The following BSN variants were observed in gnomAD, a reference collection of about 807,000 sequenced individuals.
The protein encoded by BSN is bassoon presynaptic cytomatrix protein, also known as protein bassoon.
BSN carries 57 observed loss-of-function variants against 264.8 expected under a neutral mutation model. The observed-to-expected ratio is 0.22, with a 90% CI of 0.17 to 0.27. The LOEUF (loss-of-function observed/expected upper bound fraction) is 0.27, where lower values mean the gene tolerates loss of function less well. BSN is among the 10% of genes least tolerant of loss of function. BSN has a pLI of 1.00. For synonymous variants in BSN, 2,059 were observed against 2,137.3 expected (o/e 0.96, Z 1.01); for missense variants, 4,615 against 5,232.5 (o/e 0.88, Z 3.64).
In BSN at chr3:49,669,103, CT is replaced by C. The variant is rs1436472966; in HGVS notation, c.*1621del. On this transcript the variant is annotated 3_prime_UTR_variant, in exon 12 of 12. Coordinates refer to ENST00000296452, the MANE Select transcript of BSN (RefSeq NM_003458.4). Reference sequence around the variant, plus strand: ...GTGGAGCATGCACAGCTCGCAGCCTCTTTGCACGATTTCATCCATTTTAAAT... The same window carrying C: ...GTGGAGCATGCACAGCTCGCAGCCTCTTGCACGATTTCATCCATTTTAAAT... The C allele has an allele frequency of 6.6e-6, 1 of 152,530 alleles. No individual in the cohort carries two copies. Among genetic ancestry groups the C allele is most frequent in the African/African-American group, 2.4e-5 (1 of 41,426 alleles). 9.4% of individuals were successfully genotyped at this position (152,530 alleles called of 1,614,324 possible). A position where few individuals can be genotyped will look rare whatever the true frequency, so the allele number is the denominator to read the frequency against.
rs975796607 is a variant in BSN, at chr3:49,639,360, G to A, written c.634-2908G>A. 1.2e-4 allele frequency among the ~76,000 whole-genome samples: 18 copies of A among 151,766 alleles called. 1 individual carries two copies. The highest frequency in any genetic ancestry group is 4.2e-4 in the South Asian group (2 of 4,808). ...ACTACAGGCATGTGCCACCACACCC[G>A]GCTAATTTTTTCTATTTTTAGTAGA... On this transcript the variant is annotated intron_variant, in intron 2 of 11. Transcript: ENST00000296452.
intron 3 of BSN, among the ~76,000 whole-genome samples, chr3:49,643,633 C>T (rs1004495232): frequency 3.3e-5 from 5 of 152,202 alleles, no homozygotes; most frequent in African/African-American, 4.8e-5. Flanking sequence ...GTCCCACTGT[C>T]CAGGCTCCAG....
chr3:49,626,632 C>A (rs890806874), intron 2 of BSN, among the ~76,000 whole-genome samples: 1 of 152,166 alleles, frequency 6.6e-6, no homozygotes, highest in African/African-American at 2.4e-5. Context: ...TGGAACAATA[C>A]GATTAAGGCC....
At chr3:49,650,185 C>T (rs975434710) in intron 3 of BSN, among the ~76,000 whole-genome samples, 1 of 152,196 alleles carries the variant, frequency 6.6e-6, no homozygotes, top group African/African-American at 2.4e-5. Context: ...CCAGGAAGTG[C>T]TCCATGCTTG....
Position 49,652,948 on chromosome 3 carries a change from C to T in BSN, c.3392C>T (p.Ser1131Phe). The change falls in exon 5 of 12, where the codon TCC becomes TTC. Residue 1131 changes from serine to phenylalanine, a missense_variant. Physicochemically the swap from Ser to Phe is radical, Grantham distance 155. Around this residue, in one of 3 missense-constraint regions of BSN, gnomAD observed 3,415 missense variants for 3,866.4 expected, o/e 0.88. Transcript: ENST00000296452. ...TGCTCTGAGTACTCACCCTCACCCT[C>T]CCTTGACTCTGAGGCTGAGGCCTTG... is the stretch of plus-strand genomic sequence containing the variant. The part of the protein sequence containing the change: ...SSCSEYSPSP[S>F]LDSEAEALDG... 6.2e-7 allele frequency: 1 copy of T among 1,611,510 alleles called. No individual in the cohort carries two copies. The highest frequency in any genetic ancestry group is 8.5e-7 in the Non-Finnish European group (1 of 1,178,768).
chr3:49,562,935 A>T (rs1253437538), intron 1 of BSN, among the ~76,000 whole-genome samples: 2 of 152,190 alleles, frequency 1.3e-5, no homozygotes, highest in Non-Finnish European at 2.9e-5. Context: ...TGGTTTTTTC[A>T]TCTGTAAAAT....
intron 1 of BSN, among the ~76,000 whole-genome samples, chr3:49,560,105 G>A (rs961131973): frequency 3.9e-5 from 6 of 152,200 alleles, no homozygotes; most frequent in Admixed American, 3.9e-4. Context: ...TTTCACCCCA[G>A]TGTGGGGGAG....
In BSN at chr3:49,661,083, G is replaced by T. The variant is rs754496947; in HGVS notation, c.9238G>T (p.Ala3080Ser). The T allele has an allele frequency of 1.2e-6, 2 of 1,611,976 alleles. No homozygotes were observed. Among genetic ancestry groups the T allele is most frequent in the Admixed American group, 3.3e-5 (2 of 59,968 alleles). The change falls in exon 6 of 12, where the codon GCC becomes TCC. Residue 3080 changes from alanine (A) to serine (S), a missense_variant. Ala to Ser is a moderately conservative substitution (Grantham distance 99). Transcript: ENST00000296452. ...PTQNGFPAHQ[A>S]PTYPGPSTYP... ...TCAGAACGGATTCCCAGCCCACCAG[G>T]CCCCCACCTACCCTGGCCCCAGCAC...
rs541886743 is a variant in BSN at position 49,655,573 on chromosome 3, A to G, written c.6017A>G (p.Gln2006Arg). 13 of 1,613,508 alleles carry G rather than the reference A, an allele frequency of 8.1e-6. No homozygotes were observed. Among genetic ancestry groups the G allele is most frequent in the Admixed American group, 1.7e-5 (1 of 60,028 alleles). Residue 2006 changes from glutamine to arginine, a missense_variant, in exon 5 of 12, where the codon CAG becomes CGG. By Grantham distance (43) the Gln-to-Arg change is conservative. Coordinates refer to ENST00000296452, the MANE Select transcript of BSN (RefSeq NM_003458.4). ...GCCCAGAGGATCGGGCAGCTCTTCC[A>G]GGGTCCTGGACGAGACTCGGCTATG... ...YHAQRIGQLF[Q>R]GPGRDSAMDL...
Position 49,658,028 on chromosome 3 carries a change from C to T in BSN, c.8472C>T (p.Pro2824=). ...SERLNKAHVS[P]QKHFTADSAL... is the part of the protein sequence containing the mutation. ...GGCTGAACAAAGCTCACGTGAGTCC[C>T]CAGAAGCACTTCACGGCTGACAGCG... Residue 2824 remains proline (P), a synonymous_variant, in exon 5 of 12, where the codon CCC becomes CCT. Transcript: ENST00000296452. 6.2e-7 allele frequency: 1 copy of T among 1,613,646 alleles called. No individual in the cohort carries two copies. The highest frequency in any genetic ancestry group is 8.5e-7 in the Non-Finnish European group (1 of 1,179,948).
chr3:49,671,794 G>T (rs924524850), downstream of BSN, among the ~76,000 whole-genome samples: 4 of 152,182 alleles, frequency 2.6e-5, no homozygotes, highest in Admixed American at 2.6e-4. This position sits in a 1 kb window ranked among gnomAD's most constrained non-coding sequence, Gnocchi z 4.1. Flanking sequence ...GCTGTTGAGG[G>T]ACAGCACCTC....
intron 3 of BSN, among the ~76,000 whole-genome samples, chr3:49,643,809 G>A (rs1303886157): frequency 2.6e-5 from 4 of 152,214 alleles, no homozygotes; most frequent in Non-Finnish European, 5.9e-5. Flanking sequence ...CTTTCCCACA[G>A]GAAGGTTTGA....
chr3:49,582,631 AT>A (rs1357895987), intron 1 of BSN, among the ~76,000 whole-genome samples: 2 of 151,724 alleles, frequency 1.3e-5, no homozygotes, highest in East Asian at 1.9e-4. Context: ...TCCTTTATTT[AT>A]TTTTTTTCTT....
Position 49,655,428 on chromosome 3 carries a change from CAG to C in BSN, c.5873_5874del (p.Gln1958ArgfsTer9), listed in dbSNP as rs2052590362. Reference protein sequence around the residue: ...EPPEPPTYRAQGVVGPGPHEE... With the variant: ...EPPEPPTYRAXGVVGPGPHEE... ...TCCTGAGCCCCCAACCTACCGGGCACAGGGGGTGGTGGGGCCTGGGCCCCATG... is the reference window on the plus strand; with the variant it reads ...TCCTGAGCCCCCAACCTACCGGGCACGGGGTGGTGGGGCCTGGGCCCCATG... On this transcript the variant is annotated frameshift_variant, in exon 5 of 12. Coordinates refer to ENST00000296452, the MANE Select transcript of BSN (RefSeq NM_003458.4). LOFTEE classifies it high-confidence loss of function. The C allele has an allele frequency of 1.9e-6, 3 of 1,570,110 alleles. No individual in the cohort carries two copies. The highest frequency in any genetic ancestry group is 1.2e-5 in the South Asian group (1 of 83,436).
rs147446444 is a variant in BSN, at chr3:49,579,898, A to G, written c.224+25072A>G. 2.6e-5 allele frequency among the ~76,000 whole-genome samples: 4 copies of G among 152,268 alleles called. No homozygotes were observed. The East Asian group carries it at 7.7e-4, about 29-fold the overall frequency. On this transcript the variant is annotated intron_variant, in intron 1 of 11. Coordinates refer to ENST00000296452, the MANE Select transcript of BSN (RefSeq NM_003458.4). ...GTCCATCATTCTATTAATATGCTAT[A>G]TTAATTGATTTTTTAGATGTTAAGC... is the stretch of plus-strand genomic sequence containing the variant.
Position 49,574,630 on chromosome 3 carries a change from C to CTT in BSN, c.224+19826_224+19827dup, listed in dbSNP as rs60300269. Among the ~76,000 whole-genome samples the CTT allele has an allele frequency of 1.7e-3, 90 of 51,882 alleles. 1 individual carries two copies. The highest frequency in any genetic ancestry group is 4.7e-3 in the East Asian group (6 of 1,266). 34.0% of individuals were successfully genotyped at this position (51,882 alleles called of 152,430 possible). A position where few individuals can be genotyped will look rare whatever the true frequency, so the allele number is the denominator to read the frequency against. ...TGTGTTTTTAGTAGAGGTGGGGTTT[C>CTT]TTTTTTTTTTTTTTTTTTTTTTTGA... On this transcript the variant is annotated intron_variant, in intron 1 of 11. Transcript: ENST00000296452.
At position 49,653,432 on chromosome 3, in the gene BSN, T is replaced by C; in HGVS notation, c.3876T>C (p.Asn1292=). Residue 1292 remains asparagine (N), a synonymous_variant, in exon 5 of 12, where the codon AAT becomes AAC. Coordinates refer to ENST00000296452, the MANE Select transcript of BSN (RefSeq NM_003458.4). This position sits in a 1 kb window ranked among gnomAD's most constrained non-coding sequence, Gnocchi z 6.3. The part of the protein sequence containing the change: ...EDKKKEKQFL[N]AESAYMDPMK... ...AAAAGAAGGAGAAGCAGTTTCTAAATGCTGAGAGTGCATACATGGACCCAA... is the reference window on the plus strand; with the variant it reads ...AAAAGAAGGAGAAGCAGTTTCTAAACGCTGAGAGTGCATACATGGACCCAA... The C allele has an allele frequency of 1.9e-6, 3 of 1,613,982 alleles. No homozygotes were observed. The highest frequency in any genetic ancestry group is 2.5e-6 in the Non-Finnish European group (3 of 1,179,990).
At chr3:49,577,123 ACACTGTT>A (rs1182227260) in intron 1 of BSN, among the ~76,000 whole-genome samples, 1 of 152,218 alleles carries the variant, frequency 6.6e-6, no homozygotes, top group East Asian at 1.9e-4. Context: ...TACATGCCAA[ACACTGTT>A]CTAGGCAGTA....
chr3:49,610,584 C>CAAAAAA lies in BSN; in HGVS notation c.225-14374_225-14369dup, dbSNP rs60726552. Among the ~76,000 whole-genome samples, 47 of 71,052 alleles carry CAAAAAA rather than the reference C, an allele frequency of 6.6e-4. 1 individual carries two copies. The highest frequency in any genetic ancestry group is 1.1e-3 in the Admixed American group (5 of 4,724). The allele number at this position is 71,052 out of a possible 152,430, so 46.6% of individuals were successfully genotyped here. On this transcript the variant is annotated intron_variant, in intron 1 of 11. Coordinates refer to ENST00000296452, the MANE Select transcript of BSN (RefSeq NM_003458.4). ...GGGCAACAAGAGCGAAATTTCATCTCAAAAAAAAAAAAAAAAAAAAAACAA... is the reference window on the plus strand; with the variant it reads ...GGGCAACAAGAGCGAAATTTCATCTCAAAAAAAAAAAAAAAAAAAAAAAAAAAACAA...
Sources: gnomAD v4.1 joint callset for allele counts (sites outside exome capture counted in the v4.1 genomes callset) on GRCh38, gnomAD v4.1.1 for gene constraint, gnomAD v4.1.1 regional missense constraint, Gnocchi (gnomAD v3.1) non-coding constraint, MANE v1.5 for transcripts, NCBI Gene and HGNC (gene_info 2026-07-23, HGNC 2026-07-21) for gene names.